The following AKAP13 variants were observed in gnomAD, a reference collection of about 807,000 sequenced individuals.
AKAP13 encodes A-kinase anchoring protein 13, also known as A-kinase anchor protein 13.
AKAP13 carries 80 observed loss-of-function variants against 264.5 expected under a neutral mutation model. The ratio of observed to expected loss-of-function variants is 0.30; its 90% confidence interval spans 0.25 to 0.36. The LOEUF (loss-of-function observed/expected upper bound fraction) is 0.36. AKAP13 is among the 10% of genes least tolerant of loss of function. The pLI, the probability that AKAP13 is intolerant of heterozygous loss-of-function variation, is 1.00. For missense variants in AKAP13, 3,712 were observed against 3,435.2 expected (o/e 1.08, Z -2.01); for synonymous variants, 1,380 against 1,250.2 (o/e 1.10, Z -2.19).
At chr15:85,566,308 A>G (rs11632164) in intron 5 of AKAP13, among the ~76,000 whole-genome samples, 45,070 of 152,126 alleles carry the variant, frequency 0.3, 7,222 homozygotes, top group Middle Eastern at 0.47. Flanking sequence ...ATTTTGATGA[A>G]ATATGCTATA....
At chr15:85,587,276 C>T (rs999004994) in intron 8 of AKAP13, among the ~76,000 whole-genome samples, 1 of 152,198 alleles carries the variant, frequency 6.6e-6, no homozygotes, top group Non-Finnish European at 1.5e-5. Context: ...ACTGCCCATT[C>T]CAGAACTTCA....
intron 33 of AKAP13, among the ~76,000 whole-genome samples, chr15:85,737,882 G>GCCTA (rs1225127763): frequency 6.6e-6 from 1 of 151,898 alleles, no homozygotes; most frequent in Non-Finnish European, 1.5e-5. Context: ...CAGGTGATCT[G>GCCTA]CCTACCTCAG....
chr15:85,506,032 G>A (rs958804331), intron 2 of AKAP13, among the ~76,000 whole-genome samples: 2 of 152,188 alleles, frequency 1.3e-5, no homozygotes, highest in African/African-American at 4.8e-5. Flanking sequence ...GGTGGCTCAT[G>A]CCTATAATCC....
At chr15:85,676,702 T>C (rs758576884) in intron 14 of AKAP13, among the ~76,000 whole-genome samples, 4 of 152,230 alleles carry the variant, frequency 2.6e-5, no homozygotes, top group Non-Finnish European at 4.4e-5. Flanking sequence ...TTTAGTATAC[T>C]TTTAAGGAAG....
In AKAP13 at chr15:85,699,352, GAGA is replaced by G. The variant is rs530781044; in HGVS notation, c.5464+5903_5464+5905del. On this transcript the variant is annotated intron_variant, in intron 17 of 36. Coordinates refer to ENST00000394518, the MANE Select transcript of AKAP13 (RefSeq NM_007200.5). The stretch of plus-strand genomic sequence containing the variant: ...CCAGCTACTCAGGAGGCTGAGGCAG[GAGA>G]ATCACTTGAACCCAGGAGGCAGAGG... Among the ~76,000 whole-genome samples, 378 of 151,980 alleles carry G rather than the reference GAGA, an allele frequency of 2.5e-3. 3 individuals carry two copies. The highest frequency in any genetic ancestry group is 8.7e-3 in the African/African-American group (359 of 41,424).
At chr15:85,567,113 T>C (rs2078632862) in intron 5 of AKAP13, among the ~76,000 whole-genome samples, 1 of 152,006 alleles carries the variant, frequency 6.6e-6, no homozygotes, top group African/African-American at 2.4e-5. Context: ...ACAAGTGCAG[T>C]TTTTTGTTTT....
intron 7 of AKAP13, chr15:85,582,940 A>G (rs1259477342): frequency 1.0e-6 from 1 of 985,346 alleles, no homozygotes; most frequent in African/African-American, 1.7e-5. Context: ...TCTGTGGGTA[A>G]CCATGTTCCG....
At position 85,581,680 on chromosome 15, in the gene AKAP13, T is replaced by C. The variant is rs202239836; in HGVS notation, c.3612T>C (p.His1204=). ...ELPTDMELSA[H]DDGAPAGVRE... is the part of the protein sequence containing the mutation. Reference sequence around the variant, plus strand: ...CCACAGACATGGAGCTCTCAGCCCATGATGATGGGGCCCCAGCTGGTGTGA... The same window carrying C: ...CCACAGACATGGAGCTCTCAGCCCACGATGATGGGGCCCCAGCTGGTGTGA... Residue 1204 remains histidine, a synonymous_variant, in exon 7 of 37, where the codon CAT becomes CAC. Coordinates refer to ENST00000394518, the MANE Select transcript of AKAP13 (RefSeq NM_007200.5). 4.3e-6 allele frequency: 7 copies of C among 1,614,106 alleles called. No homozygotes were observed. Among genetic ancestry groups the C allele is most frequent in the East Asian group, 4.5e-5 (2 of 44,880 alleles).
chr15:85,447,753 T>A (rs1279397268), intron 1 of AKAP13, among the ~76,000 whole-genome samples: 1 of 152,258 alleles, frequency 6.6e-6, no homozygotes, highest in African/African-American at 2.4e-5. Context: ...TACCACATTT[T>A]CTTTATCCAG....
At chr15:85,742,740 A>C (rs2151790106) in intron 35 of AKAP13, among the ~76,000 whole-genome samples, 1 of 152,316 alleles carries the variant, frequency 6.6e-6, no homozygotes, top group South Asian at 2.1e-4. Context: ...CTGGGTGTAC[A>C]CAGATCTGCC....
intron 5 of AKAP13, among the ~76,000 whole-genome samples, chr15:85,565,528 C>A (rs959252736): frequency 6.6e-6 from 1 of 152,188 alleles, no homozygotes; most frequent in African/African-American, 2.4e-5. Context: ...ATGGCAGAAA[C>A]ACAAGGCTGA....
At chr15:85,472,471 T>A (rs1013598922) in intron 1 of AKAP13, among the ~76,000 whole-genome samples, 5 of 152,236 alleles carry the variant, frequency 3.3e-5, no homozygotes, top group African/African-American at 1.2e-4. Flanking sequence ...CAGTGTTCAT[T>A]CCCTGAATTT....
chr15:85,421,477 A>C (rs2072517585), intron 1 of AKAP13, among the ~76,000 whole-genome samples: 1 of 152,260 alleles, frequency 6.6e-6, no homozygotes, highest in Non-Finnish European at 1.5e-5. Context: ...AATAAATGGC[A>C]GGAAACATTT....
At chr15:85,523,100 C>T (rs1318756659) in intron 3 of AKAP13, among the ~76,000 whole-genome samples, 2 of 151,916 alleles carry the variant, frequency 1.3e-5, no homozygotes, top group Non-Finnish European at 2.9e-5. Flanking sequence ...TAAGGCAACA[C>T]TTTAACGTGT....
At chr15:85,699,940 C>T (rs888645076) in intron 17 of AKAP13, among the ~76,000 whole-genome samples, 2 of 152,184 alleles carry the variant, frequency 1.3e-5, no homozygotes, top group Non-Finnish European at 2.9e-5. Flanking sequence ...GAATCTTGTG[C>T]TATAGAGGAC....
chr15:85,686,190 C>T (rs78906389), intron 16 of AKAP13, among the ~76,000 whole-genome samples: 1 of 63,628 alleles, frequency 1.6e-5, no homozygotes, highest in Admixed American at 1.4e-4. Flanking sequence ...CACGTGCATG[C>T]ATGTGTGTGT....
intron 2 of AKAP13, among the ~76,000 whole-genome samples, chr15:85,491,497 T>TTTACTATA (rs1567085099): frequency 7.1e-6 from 1 of 140,692 alleles, no homozygotes; most frequent in African/African-American, 2.6e-5. Context: ...TTATATATAT[T>TTTACTATA]TATTATATAT....
intron 17 of AKAP13, among the ~76,000 whole-genome samples, chr15:85,694,693 A>G (rs2085472410): frequency 6.6e-6 from 1 of 152,258 alleles, no homozygotes; most frequent in African/African-American, 2.4e-5. Context: ...TTTGTAGAGC[A>G]TACCAGGGTA....
chr15:85,546,644 C>T (rs765148494), intron 5 of AKAP13, among the ~76,000 whole-genome samples: 4 of 152,026 alleles, frequency 2.6e-5, no homozygotes, highest in Non-Finnish European at 5.9e-5. Flanking sequence ...AAGGTTTATG[C>T]ACATGTTTTT....
Sources: allele counts gnomAD v4.1 joint callset (sites outside exome capture counted in the v4.1 genomes callset), GRCh38; gene constraint gnomAD v4.1.1; transcripts MANE v1.5; gene names NCBI Gene and HGNC (gene_info 2026-07-23, HGNC 2026-07-21).